The following DNAH12 variants were observed in gnomAD, a reference collection of about 807,000 sequenced individuals.
DNAH12 encodes axonemal beta dynein heavy chain 12.
Under a neutral mutation model 371.5 loss-of-function variants are expected in DNAH12, and 285 were observed. That is an observed-to-expected ratio of 0.77 (90% CI 0.70 to 0.85). The LOEUF is 0.85. Ranked by LOEUF, DNAH12 falls within the 40% of genes least tolerant of loss-of-function variation. The pLI is 0.00. For missense variants in DNAH12, 3,611 were observed against 3,689.4 expected (o/e 0.98, Z 0.55); for synonymous variants, 1,200 against 1,213.0 (o/e 0.99, Z 0.22).
chr3:57,389,822 G>GTA (rs1191113593), intron 45 of DNAH12, among the ~76,000 whole-genome samples: 836 of 45,850 alleles, frequency 0.018, 40 homozygotes, highest in African/African-American at 0.032. Flanking sequence ...GTGTGTGTGT[G>GTA]TATATATATA....
intron 8 of DNAH12, among the ~76,000 whole-genome samples, chr3:57,507,033 A>G (rs2153392654): frequency 6.6e-6 from 1 of 151,892 alleles, no homozygotes; most frequent in African/African-American, 2.4e-5. Context: ...GATATTAAAT[A>G]TGTATATTAT....
At chr3:57,437,502 G>C (rs1469135898) in intron 29 of DNAH12, among the ~76,000 whole-genome samples, 1 of 152,206 alleles carries the variant, frequency 6.6e-6, no homozygotes, top group Non-Finnish European at 1.5e-5. Context: ...TTCAGAAAGG[G>C]ATGATGAGCC....
Position 57,446,203 on chromosome 3 carries a change from TC to T in DNAH12, c.4006del (p.Glu1336LysfsTer6). 6.4e-7 allele frequency: 1 copy of T among 1,551,712 alleles called. No homozygotes were observed. Among genetic ancestry groups the T allele is most frequent in the Non-Finnish European group, 8.7e-7 (1 of 1,147,014 alleles). Reference protein sequence around the residue: ...CFDEFNRIELEVLSVVAQQIL... With the variant: ...CFDEFNRIELXVLSVVAQQIL... The stretch of plus-strand genomic sequence containing the variant: ...CTGTTGAGCTACCACTGACAACACT[TC>T]CAACTCAATTCGATTGAATTCATCA... On this transcript the variant is annotated frameshift_variant, in exon 27 of 74. Coordinates refer to ENST00000495027, the MANE Select transcript of DNAH12 (RefSeq NM_001366028.2). LOFTEE classifies it high-confidence loss of function.
rs534432600 is a variant in DNAH12, at chr3:57,453,531, G to A, written c.3457-128C>T. The stretch of plus-strand genomic sequence containing the variant: ...TATCTCAATATAGAAATGAGTTCAA[G>A]CGTGGTGGCTCATGCCTAAAATCCC... On this transcript the variant is annotated intron_variant, in intron 23 of 73. Coordinates refer to ENST00000495027, the MANE Select transcript of DNAH12 (RefSeq NM_001366028.2). 21 of 812,944 alleles carry A rather than the reference G, an allele frequency of 2.6e-5. No individual in the cohort carries two copies. In the South Asian group the frequency reaches 5.9e-4, roughly 23 times the overall value. 50.4% of individuals were successfully genotyped at this position (812,944 alleles called of 1,614,324 possible). A position where few individuals can be genotyped will look rare whatever the true frequency, so the allele number is the denominator to read the frequency against.
intron 60 of DNAH12, among the ~76,000 whole-genome samples, chr3:57,338,393 G>T (rs1320740982): frequency 6.6e-6 from 1 of 151,282 alleles, no homozygotes; most frequent in Non-Finnish European, 1.5e-5. Flanking sequence ...GCCTCTGCCC[G>T]GCCGCCACAC....
At chr3:57,418,593 T>C (rs1197381873) in intron 37 of DNAH12, among the ~76,000 whole-genome samples, 4 of 151,096 alleles carry the variant, frequency 2.6e-5, no homozygotes, top group Non-Finnish European at 5.9e-5. Context: ...TTGGCAATTG[T>C]CTTCCTTGCT....
At chr3:57,389,623 T>C (rs1213786986) in intron 45 of DNAH12, among the ~76,000 whole-genome samples, 3 of 151,874 alleles carry the variant, frequency 2.0e-5, no homozygotes, top group Non-Finnish European at 4.4e-5. Context: ...AAGGCCCTTT[T>C]CTTACCATGT....
At chr3:57,356,696 G>C (rs1275154794) in intron 59 of DNAH12, among the ~76,000 whole-genome samples, 1 of 151,798 alleles carries the variant, frequency 6.6e-6, no homozygotes, top group African/African-American at 2.4e-5. Context: ...AAGAGGTTTT[G>C]ATTATCTTTC....
At chr3:57,475,569 C>T (rs1380188572) in intron 13 of DNAH12, among the ~76,000 whole-genome samples, 1 of 152,010 alleles carries the variant, frequency 6.6e-6, no homozygotes, top group African/African-American at 2.4e-5. Flanking sequence ...GTTCATTTTA[C>T]CACTTTTTTA....
intron 67 of DNAH12, 104 bp from the exon 68 acceptor site, chr3:57,309,958 G>T: frequency 1.1e-6 from 1 of 937,170 alleles, no homozygotes; most frequent in Non-Finnish European, 1.5e-6. Context: ...TAGGGGTTAT[G>T]TGAGTTGAAG....
chr3:57,472,104 A>C (rs956400613), intron 14 of DNAH12, among the ~76,000 whole-genome samples: 1 of 152,316 alleles, frequency 6.6e-6, no homozygotes, highest in East Asian at 1.9e-4. Flanking sequence ...AAACTGATTT[A>C]CATTAGGACT....
In DNAH12 at chr3:57,454,905, A is replaced by G. The variant is rs753937271; in HGVS notation, c.3337-11T>C. ...AGATTCTGGATAAGCCTGAACAATT[A>G]AAATAAATTTCTAACTTTAAAAGCT... On this transcript the variant is annotated splice_polypyrimidine_tract_variant and intron_variant, in intron 22 of 73. Coordinates refer to ENST00000495027, the MANE Select transcript of DNAH12 (RefSeq NM_001366028.2). 1 of 1,532,242 alleles carries G rather than the reference A, an allele frequency of 6.5e-7. No individual in the cohort carries two copies. The allele number at this position is 1,532,242 out of a possible 1,614,324, so 94.9% of individuals were successfully genotyped here.
At position 57,415,576 on chromosome 3, in the gene DNAH12, C is replaced by T. The variant is rs1444090517; in HGVS notation, c.5715-12G>A. On this transcript the variant is annotated splice_polypyrimidine_tract_variant and intron_variant, in intron 37 of 73. Transcript: ENST00000495027. ...CAAAAAGGAGTGGCCTTAATGAAAA[C>T]AATGAATATATTATTCAAAATGGAA... 1 of 1,522,374 alleles carries T rather than the reference C, an allele frequency of 6.6e-7. No homozygotes were observed. Among genetic ancestry groups the T allele is most frequent in the Non-Finnish European group, 8.8e-7 (1 of 1,140,004 alleles). The allele number at this position is 1,522,374 out of a possible 1,614,324, so 94.3% of individuals were successfully genotyped here.
intron 2 of DNAH12, among the ~76,000 whole-genome samples, chr3:57,539,435 C>T (rs7619066): frequency 0.84 from 127,513 of 152,120 alleles, 54,095 homozygotes; most frequent in African/African-American, 0.95. Context: ...AAAGCATTCA[C>T]ATTTCAGGGA....
intron 4 of DNAH12, among the ~76,000 whole-genome samples, chr3:57,522,258 T>C (rs75254227): frequency 0.025 from 3,806 of 151,912 alleles, 149 homozygotes; most frequent in African/African-American, 0.087. Flanking sequence ...AGAAAAAATA[T>C]CCTTTGAATT....
chr3:57,338,714 G>C (rs1439998399), intron 60 of DNAH12, among the ~76,000 whole-genome samples: 1 of 149,244 alleles, frequency 6.7e-6, no homozygotes, highest in East Asian at 2.0e-4. Context: ...GCCCCATCTT[G>C]GGGGTGAGGA....
In DNAH12 at chr3:57,454,878, G is replaced by T; in HGVS notation, c.3353C>A (p.Ala1118Glu). Reference sequence around the variant, plus strand: ...CCACTCTCGAACCCAGTCTCTTCTTGCAGATTCTGGATAAGCCTGAACAAT... The same window carrying T: ...CCACTCTCGAACCCAGTCTCTTCTTTCAGATTCTGGATAAGCCTGAACAAT... ...AAARLAYPES[A>E]RRDWVREWPG... The change falls in exon 23 of 74, where the codon GCA becomes GAA. Residue 1118 changes from alanine to glutamate, a missense_variant. By Grantham distance (107) the Ala-to-Glu change is moderately radical (BLOSUM62 -1). This residue lies in a region of DNAH12 where 1,314 missense variants were observed against 1,398.7 expected (regional missense o/e 0.94). Coordinates refer to ENST00000495027, the MANE Select transcript of DNAH12 (RefSeq NM_001366028.2). 6.4e-7 allele frequency: 1 copy of T among 1,550,676 alleles called. No homozygotes were observed. Among genetic ancestry groups the T allele is most frequent in the East Asian group, 2.4e-5 (1 of 40,908 alleles).
intron 18 of DNAH12, 135 bp downstream of exon 18, chr3:57,462,555 G>T: frequency 9.8e-7 from 1 of 1,021,208 alleles, no homozygotes; most frequent in Non-Finnish European, 1.4e-6. Flanking sequence ...CCCAGCCGGA[G>T]AGTGGTCTTC....
Position 57,438,918 on chromosome 3 carries a change from C to CGAAAAAAAAAAAAAAAAAAAAAAAAAAA in DNAH12, c.4546-1859_4546-1858insTTTTTTTTTTTTTTTTTTTTTTTTTTTC, listed in dbSNP as rs562343761. Among the ~76,000 whole-genome samples, 3 of 94,496 alleles carry CGAAAAAAAAAAAAAAAAAAAAAAAAAAA rather than the reference C, an allele frequency of 3.2e-5. 1 individual carries two copies. The highest frequency in any genetic ancestry group is 2.6e-4 in the Admixed American group (2 of 7,714). The allele number at this position is 94,496 out of a possible 152,430, so 62.0% of individuals were successfully genotyped here. ...CAACAGAGTGAAACTCTGTCTCAGA[C>CGAAAAAAAAAAAAAAAAAAAAAAAAAAA]AAAAAAAAAAAAAAGGAAAGCAACT... On this transcript the variant is annotated intron_variant, in intron 29 of 73. Coordinates refer to ENST00000495027, the MANE Select transcript of DNAH12 (RefSeq NM_001366028.2).
Sources: gnomAD v4.1 joint callset for allele counts (sites outside exome capture counted in the v4.1 genomes callset) on GRCh38, gnomAD v4.1.1 for gene constraint, gnomAD v4.1.1 regional missense constraint, MANE v1.5 for transcripts, NCBI Gene and HGNC (gene_info 2026-07-23, HGNC 2026-07-21) for gene names.